Variants in GRM8 observed in about 807,000 individuals in gnomAD.
GRM8 encodes the protein metabotropic glutamate receptor 8.
In GRM8, 47 loss-of-function variants were observed where a neutral mutation model predicts 87.2. That is an observed-to-expected ratio of 0.54 (90% CI 0.43 to 0.69). GRM8 has a LOEUF of 0.69. GRM8 is among the 30% of genes least tolerant of loss of function. The pLI is 0.00. For missense variants in GRM8, 1,019 were observed against 1,139.2 expected, an observed-to-expected ratio of 0.89 and a Z score of 1.52; for synonymous variants, 396 against 404.5, an observed-to-expected ratio of 0.98 and a Z score of 0.25.
intron 2 of GRM8, among the ~76,000 whole-genome samples, chr7:127,165,619 T>C: frequency 6.6e-6 from 1 of 152,214 alleles, no homozygotes; most frequent in East Asian, 1.9e-4. Context: ...TTCACACTGT[T>C]GACAGAGTCT....
intron 6 of GRM8, among the ~76,000 whole-genome samples, chr7:126,829,939 T>C (rs1358065588): frequency 3.3e-5 from 5 of 152,276 alleles, no homozygotes; most frequent in African/African-American, 1.2e-4. Flanking sequence ...CTGTGAAGTA[T>C]TTTATTTCTC....
intron 3 of GRM8, among the ~76,000 whole-genome samples, chr7:126,937,743 T>C (rs1227145477): frequency 2.0e-5 from 3 of 152,160 alleles, no homozygotes; most frequent in African/African-American, 4.8e-5. Flanking sequence ...CCTTTCCAAG[T>C]AGGGATTTCA....
chr7:126,765,371 T>C (rs753054023), intron 7 of GRM8, among the ~76,000 whole-genome samples: 4 of 152,096 alleles, frequency 2.6e-5, no homozygotes, highest in Non-Finnish European at 5.9e-5. Flanking sequence ...AAATTCTTAA[T>C]TTCAGCTTAA....
Position 127,106,564 on chromosome 7 carries a change from G to A in GRM8, c.659C>T (p.Thr220Ile). The change falls in exon 3 of 11, where the codon ACA (threonine) becomes ATA (isoleucine). Residue 220 changes from threonine (T) to isoleucine (I), a missense_variant. Coordinates refer to ENST00000339582, the MANE Select transcript of GRM8 (RefSeq NM_000845.3). ...ACCATAGTTCCCCTCAGAAGCCAGT[G>A]TCGAAACATAATTCCATCCCAGTGC... Reference protein sequence around the residue: ...VTALGWNYVSTLASEGNYGES... With the variant: ...VTALGWNYVSILASEGNYGES... The A allele has an allele frequency of 6.2e-7, 1 of 1,614,122 alleles. No individual in the cohort carries two copies. Among genetic ancestry groups the A allele is most frequent in the Non-Finnish European group, 8.5e-7 (1 of 1,180,000 alleles).
chr7:126,732,255 A>G (rs1269627529), intron 7 of GRM8, among the ~76,000 whole-genome samples: 3 of 152,140 alleles, frequency 2.0e-5, no homozygotes, highest in African/African-American at 7.2e-5. Flanking sequence ...ATGATAAAAG[A>G]CCAGTTGTAA....
chr7:126,985,062 A>G (rs1279931228), intron 3 of GRM8, among the ~76,000 whole-genome samples: 1 of 152,134 alleles, frequency 6.6e-6, no homozygotes, highest in Non-Finnish European at 1.5e-5. Context: ...AAGTAGAAGA[A>G]AAGCTTTTAG....
chr7:127,070,519 A>C (rs1228107128), intron 3 of GRM8, among the ~76,000 whole-genome samples: 4 of 151,960 alleles, frequency 2.6e-5, no homozygotes, highest in Non-Finnish European at 4.4e-5. Context: ...ACAGCCAATA[A>C]CTCTTCCTAA....
intron 2 of GRM8, among the ~76,000 whole-genome samples, chr7:127,112,908 C>T (rs1292043714): frequency 6.6e-6 from 1 of 152,178 alleles, no homozygotes; most frequent in Non-Finnish European, 1.5e-5. Context: ...AATCAAAGGT[C>T]AACATCATAG....
intron 2 of GRM8, among the ~76,000 whole-genome samples, chr7:127,231,150 T>A (rs1225773525): frequency 6.6e-6 from 1 of 152,166 alleles, no homozygotes; most frequent in Non-Finnish European, 1.5e-5. Flanking sequence ...GTGGGTTGAT[T>A]GAATATCACC....
rs527268108 is a variant in GRM8, at chr7:127,075,512, C to A, written c.727+30984G>T. ...TAGTCAGGGCGAAGTATATGTGGGGCAGGGGGTCGGGGGGAGGTACATCTA... is the reference window on the plus strand; with the variant it reads ...TAGTCAGGGCGAAGTATATGTGGGGAAGGGGGTCGGGGGGAGGTACATCTA... On this transcript the variant is annotated intron_variant, in intron 3 of 10. Transcript: ENST00000339582. Among the ~76,000 whole-genome samples, 8 of 151,918 alleles carry A rather than the reference C, an allele frequency of 5.3e-5. No homozygotes were observed. In the South Asian group the frequency reaches 1.7e-3, roughly 32 times the overall value.
intron 8 of GRM8, among the ~76,000 whole-genome samples, chr7:126,556,000 T>C (rs546706113): frequency 7.8e-4 from 118 of 152,004 alleles, no homozygotes; most frequent in Non-Finnish European, 1.4e-3. Context: ...AATGTGAACA[T>C]ATTCCCAACT....
chr7:126,501,856 A>C (rs1476651146), intron 9 of GRM8, among the ~76,000 whole-genome samples: 1 of 152,026 alleles, frequency 6.6e-6, no homozygotes. Context: ...AACTGTCAGC[A>C]GTACAGATTT....
intron 2 of GRM8, among the ~76,000 whole-genome samples, chr7:127,116,729 T>C (rs1179750329): frequency 6.6e-6 from 1 of 152,226 alleles, no homozygotes; most frequent in African/African-American, 2.4e-5. Flanking sequence ...CCTTCAGATG[T>C]GTATACTACC....
chr7:126,947,670 A>T (rs915319735), intron 3 of GRM8, among the ~76,000 whole-genome samples: 1 of 152,122 alleles, frequency 6.6e-6, no homozygotes, highest in Admixed American at 6.6e-5. Flanking sequence ...AGCCTGTGAC[A>T]GTGAAACAAG....
chr7:127,126,243 TG>T (rs1827366031), intron 2 of GRM8, among the ~76,000 whole-genome samples: 1 of 152,014 alleles, frequency 6.6e-6, no homozygotes, highest in Non-Finnish European at 1.5e-5. Context: ...TGTCCATCAG[TG>T]GATGACTGGA....
At chr7:126,577,783 C>A (rs919579828) in intron 8 of GRM8, among the ~76,000 whole-genome samples, 1 of 152,132 alleles carries the variant, frequency 6.6e-6, no homozygotes, top group African/African-American at 2.4e-5. Context: ...AGCATGCTTT[C>A]TCCGTGGAAG....
intron 7 of GRM8, among the ~76,000 whole-genome samples, chr7:126,763,472 TAC>T (rs143608746): frequency 0.037 from 2,853 of 77,946 alleles, 46 homozygotes; most frequent in South Asian, 0.059. Context: ...TATATATATA[TAC>T]ACACACACAC....
intron 6 of GRM8, 91 bp from the exon 7 acceptor site, chr7:126,770,156 C>G: frequency 1.3e-6 from 1 of 786,136 alleles, no homozygotes; most frequent in East Asian, 2.7e-5. Context: ...TTGAGGAACA[C>G]TTAATGAGAC....
rs150425665 is a variant in GRM8 at position 126,671,159 on chromosome 7, G to C, written c.1358-61661C>G. Among the ~76,000 whole-genome samples the C allele has an allele frequency of 3.1e-3, 467 of 152,258 alleles. 7 individuals carry two copies. Among genetic ancestry groups the C allele is most frequent in the African/African-American group, 0.011 (437 of 41,548 alleles). On this transcript the variant is annotated intron_variant, in intron 7 of 10. Transcript: ENST00000339582. ...CCTTGTCCATGTAGTCCCTGTACAG[G>C]GTTCTTGACCTGTGGTCAGTAAAGA...
Sources: gnomAD v4.1 joint callset for allele counts (sites outside exome capture counted in the v4.1 genomes callset) on GRCh38, gnomAD v4.1.1 for gene constraint, MANE v1.5 for transcripts, NCBI Gene and HGNC (gene_info 2026-07-23, HGNC 2026-07-21) for gene names.